NPAS2: variants seen among roughly 807,000 people sequenced by gnomAD.
The protein encoded by NPAS2 is neuronal PAS domain-containing protein 2.
NPAS2 carries 23 observed loss-of-function variants against 107.5 expected under a neutral mutation model. The ratio of observed to expected loss-of-function variants is 0.21; its 90% CI spans 0.15 to 0.30. NPAS2 has a LOEUF of 0.30. Ranked by LOEUF, NPAS2 falls within the 10% of genes least tolerant of loss-of-function variation. The probability of loss-of-function intolerance (pLI) is 1.00; values close to 1 mark genes in which losing one functional copy is unlikely to be tolerated. For missense variants in NPAS2, 756 were observed against 1,043.3 expected (o/e 0.72, Z 3.79); for synonymous variants, 403 against 417.5 (o/e 0.97, Z 0.42).
intron 1 of NPAS2, among the ~76,000 whole-genome samples, chr2:100,837,582 C>T (rs1440504707): frequency 2.6e-5 from 4 of 151,992 alleles, no homozygotes; most frequent in South Asian, 4.2e-4. Flanking sequence ...CAAAATGCTG[C>T]GATTACAGGC....
intron 7 of NPAS2, among the ~76,000 whole-genome samples, chr2:100,957,580 C>G (rs984505530): frequency 1.3e-5 from 2 of 152,244 alleles, no homozygotes; most frequent in African/African-American, 4.8e-5. Context: ...TCCTGTAGCC[C>G]CACCTGACCA....
At chr2:100,931,141 C>T (rs2104931657) in intron 3 of NPAS2, among the ~76,000 whole-genome samples, 1 of 152,318 alleles carries the variant, frequency 6.6e-6, no homozygotes, top group East Asian at 1.9e-4. Context: ...CTGCATTCCA[C>T]CATGTGCATA....
At chr2:100,927,771 TC>T (rs1242427741) in intron 3 of NPAS2, among the ~76,000 whole-genome samples, 2 of 152,176 alleles carry the variant, frequency 1.3e-5, no homozygotes, top group Non-Finnish European at 2.9e-5. Flanking sequence ...CTCTCCCTTT[TC>T]CTCTCCTTCA....
At chr2:100,918,986 C>T (rs1683055445) in intron 2 of NPAS2, among the ~76,000 whole-genome samples, 1 of 152,184 alleles carries the variant, frequency 6.6e-6, no homozygotes, top group Non-Finnish European at 1.5e-5. Context: ...CTGGAAACAA[C>T]CCACATTTCC....
chr2:100,948,273 A>G lies in NPAS2; in HGVS notation c.402A>G (p.Pro134=). 1.9e-6 allele frequency: 3 copies of G among 1,613,420 alleles called. No individual in the cohort carries two copies. The highest frequency in any genetic ancestry group is 2.5e-6 in the Non-Finnish European group (3 of 1,179,818). ...VMDQNLLNFL[P]EQEHSEVYKI... ...ATCAGAATTTGTTAAATTTCCTCCC[A>G]GAACAAGAACATTCAGAAGTTTATA... Residue 134 remains proline, a synonymous_variant, in exon 6 of 21, where the codon CCA becomes CCG. Coordinates refer to ENST00000335681, the MANE Select transcript of NPAS2 (RefSeq NM_002518.4).
intron 2 of NPAS2, among the ~76,000 whole-genome samples, chr2:100,906,151 T>A (rs1483840587): frequency 3.9e-5 from 6 of 152,178 alleles, no homozygotes; most frequent in Non-Finnish European, 8.8e-5. Context: ...TGCATAGAAC[T>A]CCCCAGCTTA....
intron 1 of NPAS2, among the ~76,000 whole-genome samples, chr2:100,841,280 C>CA (rs939825162): frequency 5.9e-5 from 9 of 151,762 alleles, no homozygotes; most frequent in South Asian, 2.1e-4. Context: ...ACTAAAAATA[C>CA]AAAAAAAATT....
chr2:100,913,552 C>G (rs1682681995), intron 2 of NPAS2, among the ~76,000 whole-genome samples: 1 of 152,114 alleles, frequency 6.6e-6, no homozygotes, highest in Non-Finnish European at 1.5e-5. Flanking sequence ...ACCAGAGATG[C>G]ATAAGCTGAA....
At chr2:100,962,385 C>T (rs1406414517) in intron 7 of NPAS2, among the ~76,000 whole-genome samples, 5 of 152,154 alleles carry the variant, frequency 3.3e-5, no homozygotes, top group Non-Finnish European at 7.3e-5. Context: ...AATGATTTAG[C>T]TTTCTGATGC....
chr2:100,990,158 C>T, intron 17 of NPAS2, 98 bp from the exon 18 acceptor site: 3 of 1,054,826 alleles, frequency 2.8e-6, no homozygotes, highest in Non-Finnish European at 4.3e-6. Flanking sequence ...AGAGGAAAGG[C>T]AAGGGTAGGT....
At chr2:100,946,927 A>G (rs533110071) in intron 5 of NPAS2, among the ~76,000 whole-genome samples, 1 of 152,176 alleles carries the variant, frequency 6.6e-6, no homozygotes, top group Non-Finnish European at 1.5e-5. Context: ...CAGATGACCA[A>G]CTGATGATAC....
chr2:100,837,457 TTTTTGTATTTTTAGTAGAGACGG>T (rs771961893), intron 1 of NPAS2, among the ~76,000 whole-genome samples: 8 of 152,112 alleles, frequency 5.3e-5, no homozygotes, highest in East Asian at 1.9e-4. Flanking sequence ...CCAGCTAATT[TTTTTGTATTTTTAGTAGAGACGG>T]TTTTGTATTT....
At chr2:100,977,834 C>T in intron 15 of NPAS2, 35 bp downstream of exon 15, 1 of 1,582,002 alleles carries the variant, frequency 6.3e-7, no homozygotes, top group Non-Finnish European at 8.7e-7. Flanking sequence ...CAGCCCCTCT[C>T]AAGCCAGAAG....
chr2:100,990,347 C>T lies in NPAS2; in HGVS notation c.1919C>T (p.Ala640Val), dbSNP rs772104477. 23 of 1,614,062 alleles carry T rather than the reference C, an allele frequency of 1.4e-5. No homozygotes were observed. The highest frequency in any genetic ancestry group is 9.9e-5 in the South Asian group (9 of 91,086). Reference sequence around the variant, plus strand: ...TCCCCGTTCAGCAGCGCCACAGCTGCGCTCCCGCCAAGTCTGAATCTGACC... The same window carrying T: ...TCCCCGTTCAGCAGCGCCACAGCTGTGCTCCCGCCAAGTCTGAATCTGACC... ...LVSPFSSATAALPPSLNLTTP... is the reference protein window; with the variant it reads ...LVSPFSSATAVLPPSLNLTTP... The change falls in exon 18 of 21, where the codon GCG becomes GTG. Residue 640 changes from alanine to valine, a missense_variant. Coordinates refer to ENST00000335681, the MANE Select transcript of NPAS2 (RefSeq NM_002518.4).
intron 1 of NPAS2, among the ~76,000 whole-genome samples, chr2:100,848,560 C>T (rs1277523407): frequency 6.6e-6 from 1 of 152,138 alleles, no homozygotes; most frequent in African/African-American, 2.4e-5. Flanking sequence ...ATCTAGAGCA[C>T]ACATTATTTT....
Position 100,974,861 on chromosome 2 carries a change from C to T in NPAS2, c.1199C>T (p.Ser400Leu), listed in dbSNP as rs552726306. Residue 400 changes from serine (S) to leucine (L), a missense_variant, in exon 13 of 21, where the codon TCG becomes TTG. Physicochemically the swap from Ser to Leu is moderately radical, Grantham distance 145. This residue lies in a region of NPAS2 where 496 missense variants were observed against 594.4 expected (regional missense o/e 0.83). Coordinates refer to ENST00000335681, the MANE Select transcript of NPAS2 (RefSeq NM_002518.4). ...QHFNTLDVGA[S>L]GLNTSHSPSA... is the part of the protein sequence containing the mutation. ...TTTAACACACTCGACGTGGGTGCCT[C>T]GGGCCTTAATACCAGTCATTCGCCA... 1.8e-5 allele frequency: 29 copies of T among 1,614,112 alleles called. No individual in the cohort carries two copies. Among genetic ancestry groups the T allele is most frequent in the Middle Eastern group, 3.3e-4 (2 of 6,062 alleles).
chr2:100,855,794 C>T (rs993182039), intron 1 of NPAS2, among the ~76,000 whole-genome samples: 4 of 152,198 alleles, frequency 2.6e-5, no homozygotes, highest in Admixed American at 2.0e-4. Flanking sequence ...GATGGTAGCA[C>T]CAGCTTCAGC....
chr2:100,963,673 C>T (rs553444917), intron 7 of NPAS2, among the ~76,000 whole-genome samples: 2 of 152,354 alleles, frequency 1.3e-5, no homozygotes, highest in African/African-American at 4.8e-5. Flanking sequence ...GCCTCAGCCT[C>T]CCAAAGTGCT....
At chr2:100,944,932 A>G (rs1458468474) in intron 5 of NPAS2, among the ~76,000 whole-genome samples, 2 of 152,218 alleles carry the variant, frequency 1.3e-5, no homozygotes, top group Non-Finnish European at 2.9e-5. Context: ...AAGTGGCTTC[A>G]GATGGAGCCC....
Sources: allele counts gnomAD v4.1 joint callset (sites outside exome capture counted in the v4.1 genomes callset), GRCh38; gene constraint gnomAD v4.1.1; regional missense constraint gnomAD v4.1.1; transcripts MANE v1.5; gene names NCBI Gene and HGNC (gene_info 2026-07-23, HGNC 2026-07-21).